The following MYL12B variants were observed in gnomAD, a reference collection of about 807,000 sequenced individuals.
MYL12B encodes the protein myosin regulatory light chain 12B.
A neutral mutation model predicts 12.9 loss-of-function variants in MYL12B; 3 were observed. The observed-to-expected ratio is 0.23, with a 90% CI of 0.11 to 0.60. The LOEUF (loss-of-function observed/expected upper bound fraction) is 0.60, where lower values mean the gene tolerates loss of function less well. MYL12B is among the 20% of genes least tolerant of loss of function. The probability of loss-of-function intolerance (pLI) is 0.89; values close to 1 mark genes in which losing one functional copy is unlikely to be tolerated. For synonymous variants in MYL12B, 57 were observed against 71.9 expected (o/e 0.79, Z 1.05); for missense variants, 120 against 215.4 (o/e 0.56, Z 2.77).
intron 1 of MYL12B, chr18:3,271,973 C>A: frequency 1.3e-6 from 1 of 766,588 alleles, no homozygotes; most frequent in South Asian, 6.0e-5. Flanking sequence ...GGGAGGATCT[C>A]GAGCCTCAGA....
At chr18:3,277,560 A>T (rs1453506602) in intron 3 of MYL12B, 146 bp downstream of exon 3, 10 of 1,369,052 alleles carry the variant, frequency 7.3e-6, no homozygotes, top group South Asian at 1.6e-5. Context: ...GAGCTTTTAA[A>T]TGATTTGATC....
In MYL12B at chr18:3,262,188, T is replaced by C. The variant is rs1405447684; in HGVS notation, c.-65T>C. 1 of 152,124 alleles carries C rather than the reference T, an allele frequency of 6.6e-6. No individual in the cohort carries two copies. Among genetic ancestry groups the C allele is most frequent in the African/African-American group, 2.4e-5 (1 of 41,452 alleles). 9.4% of individuals were successfully genotyped at this position (152,124 alleles called of 1,614,324 possible). A position where few individuals can be genotyped will look rare whatever the true frequency, so the allele number is the denominator to read the frequency against. ...GGCCACAGCCTAACGCTCTTCGCTGTCGTTTGTGGTCTCGCGCAGGGCGGC... is the reference window on the plus strand; with the variant it reads ...GGCCACAGCCTAACGCTCTTCGCTGCCGTTTGTGGTCTCGCGCAGGGCGGC... On this transcript the variant is annotated 5_prime_UTR_variant, in exon 1 of 4. Transcript: ENST00000237500.
At chr18:3,263,670 G>A (rs2081613546) in intron 1 of MYL12B, among the ~76,000 whole-genome samples, 1 of 152,202 alleles carries the variant, frequency 6.6e-6, no homozygotes, top group Non-Finnish European at 1.5e-5. Context: ...AAGATTCAAA[G>A]GCTCCAGGTA....
chr18:3,277,124 A>G, intron 2 of MYL12B, 129 bp from the exon 3 acceptor site: 1 of 1,261,406 alleles, frequency 7.9e-7, no homozygotes, highest in Non-Finnish European at 1.0e-6. Flanking sequence ...AAATGTTCTT[A>G]AAGTTAATTG....
chr18:3,268,198 A>G (rs1013616337), intron 1 of MYL12B, among the ~76,000 whole-genome samples: 4 of 152,188 alleles, frequency 2.6e-5, no homozygotes, highest in Admixed American at 6.5e-5. Context: ...CCTGCCTTTG[A>G]TGTAACCTCT....
intron 1 of MYL12B, 29 bp from the exon 2 acceptor site, chr18:3,272,855 T>TA (rs1363463004): frequency 3.3e-6 from 5 of 1,520,938 alleles, no homozygotes; most frequent in Non-Finnish European, 4.4e-6. Flanking sequence ...TGTTTTGTTT[T>TA]ACGTTTTTGT....
chr18:3,271,616 G>A (rs769612604), intron 1 of MYL12B, among the ~76,000 whole-genome samples: 8 of 152,112 alleles, frequency 5.3e-5, no homozygotes, highest in African/African-American at 1.7e-4. Context: ...CCACCCTTGC[G>A]TTTGATTATT....
chr18:3,276,802 C>G, intron 2 of MYL12B: 2 of 537,418 alleles, frequency 3.7e-6, no homozygotes, highest in Non-Finnish European at 4.7e-6. Flanking sequence ...TTTGGGAGGC[C>G]AAGGCAGGTG....
intron 1 of MYL12B, chr18:3,272,244 G>GGTAGTAAA (rs1567991145): frequency 4.7e-5 from 4 of 84,944 alleles, no homozygotes; most frequent in Non-Finnish European, 5.2e-5. Context: ...ATGTTTTACT[G>GGTAGTAAA]ATGAAAAATT....
At chr18:3,274,024 A>G (rs1042868955) in intron 2 of MYL12B, among the ~76,000 whole-genome samples, 3 of 152,238 alleles carry the variant, frequency 2.0e-5, no homozygotes, top group African/African-American at 7.2e-5. Context: ...TGGAAAGAAC[A>G]TTATAGTGAA....
At position 3,275,973 on chromosome 18, in the gene MYL12B, A is replaced by G. The variant is rs543298076; in HGVS notation, c.185-1280A>G. On this transcript the variant is annotated intron_variant, in intron 2 of 3. Transcript: ENST00000237500. ...CAACATGATGTTTACATTTCACCCA[A>G]ATTCCCAGAATTAAAACTTACATAT... Among the ~76,000 whole-genome samples the G allele has an allele frequency of 1.5e-3, 231 of 152,216 alleles. 3 individuals are homozygous for G. In the South Asian group the frequency reaches 0.033, roughly 21 times the overall value.
chr18:3,266,548 A>G (rs1248048668), intron 1 of MYL12B, among the ~76,000 whole-genome samples: 1 of 148,478 alleles, frequency 6.7e-6, no homozygotes, highest in East Asian at 2.0e-4. Flanking sequence ...GGAGCAAGTT[A>G]AAGTGTTCTG....
In MYL12B at chr18:3,267,698, TTTA is replaced by T. The variant is rs571896748; in HGVS notation, c.-15-5180_-15-5178del. Among the ~76,000 whole-genome samples, 1,388 of 152,280 alleles carry T rather than the reference TTTA, an allele frequency of 9.1e-3. 13 individuals are homozygous for T. Among genetic ancestry groups the T allele is most frequent in the African/African-American group, 0.024 (977 of 41,508 alleles). On this transcript the variant is annotated intron_variant, in intron 1 of 3. Transcript: ENST00000237500. The stretch of plus-strand genomic sequence containing the variant: ...TTACAGTGTATTATAATTGTTCTAT[TTTA>T]TTATTGTTAATCTCTTACTGTGCTT...
intron 2 of MYL12B, among the ~76,000 whole-genome samples, chr18:3,275,336 G>A (rs913010301): frequency 4.6e-5 from 7 of 151,990 alleles, no homozygotes; most frequent in African/African-American, 1.5e-4. Flanking sequence ...GGAGAAGAGT[G>A]GGAACTGTTA....
chr18:3,265,246 A>G (rs1450840542), intron 1 of MYL12B, among the ~76,000 whole-genome samples: 1 of 152,230 alleles, frequency 6.6e-6, no homozygotes, highest in African/African-American at 2.4e-5. Flanking sequence ...AGATGAGGTT[A>G]CTTTTGTGAA....
chr18:3,266,741 A>T (rs1286416334), intron 1 of MYL12B, among the ~76,000 whole-genome samples: 2 of 152,186 alleles, frequency 1.3e-5, no homozygotes, highest in African/African-American at 2.4e-5. Flanking sequence ...AGTTTTTTTT[A>T]AATGTTGGCA....
intron 1 of MYL12B, among the ~76,000 whole-genome samples, chr18:3,268,760 T>C (rs2081654102): frequency 1.3e-5 from 2 of 152,184 alleles, no homozygotes; most frequent in South Asian, 2.1e-4. Flanking sequence ...GTAGAAAATA[T>C]ACAAGGAGAA....
chr18:3,269,530 G>A (rs1422857441), intron 1 of MYL12B, among the ~76,000 whole-genome samples: 1 of 152,102 alleles, frequency 6.6e-6, no homozygotes. Flanking sequence ...CAGGAGGGGA[G>A]AGATAATTGA....
chr18:3,277,329 G>A lies in MYL12B; in HGVS notation c.261G>A (p.Leu87=). ...GGCCCATCAATTTCACCATGTTCCT[G>A]ACCATGTTTGGTGAGAAGTTAAATG... ...APGPINFTMF[L]TMFGEKLNGT... The change falls in exon 3 of 4, where the codon CTG becomes CTA. Residue 87 remains leucine (L), a synonymous_variant. Coordinates refer to ENST00000237500, the MANE Select transcript of MYL12B (RefSeq NM_033546.4). 1 of 1,614,008 alleles carries A rather than the reference G, an allele frequency of 6.2e-7. No individual in the cohort carries two copies. Among genetic ancestry groups the A allele is most frequent in the Non-Finnish European group, 8.5e-7 (1 of 1,179,884 alleles).
Sources: gnomAD v4.1 joint callset for allele counts (sites outside exome capture counted in the v4.1 genomes callset) on GRCh38, gnomAD v4.1.1 for gene constraint, MANE v1.5 for transcripts, NCBI Gene and HGNC (gene_info 2026-07-23, HGNC 2026-07-21) for gene names.